The following CDH4 variants were observed in gnomAD, a reference collection of about 807,000 sequenced individuals.
CDH4 encodes the protein cadherin 4, also known as cadherin-4.
CDH4 carries 33 observed loss-of-function variants against 86.0 expected under a neutral mutation model. That is an observed-to-expected ratio of 0.38 (90% CI 0.29 to 0.51). The LOEUF is 0.51. Among genes scored for constraint, CDH4 ranks in the 20% least tolerant of loss-of-function variants. The pLI is 0.86. For synonymous variants in CDH4, 555 were observed against 549.4 expected, an observed-to-expected ratio of 1.01 and a Z score of -0.14; for missense variants, 1,114 against 1,307.4, an observed-to-expected ratio of 0.85 and a Z score of 2.28.
intron 2 of CDH4, among the ~76,000 whole-genome samples, chr20:61,461,456 G>A (rs13433215): frequency 6.6e-6 from 1 of 152,310 alleles, no homozygotes; most frequent in East Asian, 1.9e-4. Context: ...GAAATTAAAA[G>A]TGACTCGGCT....
At chr20:61,785,589 G>T (rs570881451) in intron 4 of CDH4, among the ~76,000 whole-genome samples, 4 of 151,228 alleles carry the variant, frequency 2.6e-5, no homozygotes, top group African/African-American at 9.8e-5. Flanking sequence ...ACCCAGGTGC[G>T]CAGAGCCCTC....
chr20:61,550,429 C>G (rs766444870), intron 2 of CDH4, among the ~76,000 whole-genome samples: 19 of 152,242 alleles, frequency 1.2e-4, no homozygotes, highest in African/African-American at 4.3e-4. Context: ...CTTTGCTTCC[C>G]CTCTCAGGCC....
chr20:61,534,665 C>CT (rs34309371), intron 2 of CDH4, among the ~76,000 whole-genome samples: 3,762 of 76,108 alleles, frequency 0.049, 124 homozygotes, highest in Non-Finnish European at 0.057. Context: ...TTCTTTCTTT[C>CT]TTTTTTTTTT....
intron 2 of CDH4, among the ~76,000 whole-genome samples, chr20:61,650,537 CT>C (rs1222056588): frequency 1.2e-4 from 18 of 152,188 alleles, no homozygotes. Flanking sequence ...GGAAGCTTTT[CT>C]ATTAAACATT....
Position 61,937,818 on chromosome 20 carries a change from C to G in CDH4, c.*875C>G, listed in dbSNP as rs11554971. ...AGAGTGAGTTGTCCAAACCAGCCAGCATCTGGCTCCAGCCCTCCAACCCTG... is the reference window on the plus strand; with the variant it reads ...AGAGTGAGTTGTCCAAACCAGCCAGGATCTGGCTCCAGCCCTCCAACCCTG... On this transcript the variant is annotated 3_prime_UTR_variant, in exon 16 of 16. Coordinates refer to ENST00000614565, the MANE Select transcript of CDH4 (RefSeq NM_001794.5). 78,969 of 151,968 alleles carry G rather than the reference C, an allele frequency of 0.52. 20,767 individuals carry two copies. Among genetic ancestry groups the G allele is most frequent in the African/African-American group, 0.58 (24,030 of 41,332 alleles). The allele number at this position is 151,968 out of a possible 1,614,324, so 9.4% of individuals were successfully genotyped here.
chr20:61,284,563 T>C (rs2084282869), intron 2 of CDH4, among the ~76,000 whole-genome samples: 1 of 152,232 alleles, frequency 6.6e-6, no homozygotes, highest in Non-Finnish European at 1.5e-5. Flanking sequence ...AGTTTGTCCC[T>C]AAGTGTTTAA....
intron 2 of CDH4, among the ~76,000 whole-genome samples, chr20:61,459,610 G>A (rs572368897): frequency 2.0e-5 from 3 of 151,052 alleles, no homozygotes; most frequent in Non-Finnish European, 4.4e-5. Flanking sequence ...GATGGAGAGC[G>A]GGAGGGACAT....
intron 2 of CDH4, among the ~76,000 whole-genome samples, chr20:61,530,552 G>C (rs1404361713): frequency 6.6e-6 from 1 of 152,150 alleles, no homozygotes; most frequent in African/African-American, 2.4e-5. Context: ...GGCTCCCCCA[G>C]AAAGCTCTAT....
intron 2 of CDH4, among the ~76,000 whole-genome samples, chr20:61,729,643 C>G (rs1269504561): frequency 6.6e-6 from 1 of 152,206 alleles, no homozygotes; most frequent in Admixed American, 6.5e-5. Context: ...TCAACAAAGA[C>G]GTGGAGACGA....
Position 61,406,228 on chromosome 20 carries a change from C to T in CDH4, c.169+151291C>T, listed in dbSNP as rs181840652. ...ACCCCAGACCACCATCTGCTCTACC[C>T]GGACCACCATCTGCTCTACCCGGAC... On this transcript the variant is annotated intron_variant, in intron 2 of 15. Coordinates refer to ENST00000614565, the MANE Select transcript of CDH4 (RefSeq NM_001794.5). Among the ~76,000 whole-genome samples the T allele has an allele frequency of 1.5e-4, 23 of 150,998 alleles. No homozygotes were observed. In the South Asian group the frequency reaches 2.1e-3, roughly 14 times the overall value.
chr20:61,750,823 A>G (rs1327118126), intron 3 of CDH4, among the ~76,000 whole-genome samples: 1 of 152,254 alleles, frequency 6.6e-6, no homozygotes, highest in East Asian at 1.9e-4. Context: ...TTGTACTTCT[A>G]TGTACCAGGG....
At chr20:61,398,629 C>T (rs866725585) in intron 2 of CDH4, among the ~76,000 whole-genome samples, 5 of 151,634 alleles carry the variant, frequency 3.3e-5, no homozygotes, top group South Asian at 2.1e-4. Context: ...TTGGACAAGG[C>T]GCACCCACAC....
At chr20:61,609,874 G>A (rs903351206) in intron 2 of CDH4, among the ~76,000 whole-genome samples, 2 of 152,040 alleles carry the variant, frequency 1.3e-5, no homozygotes, top group Non-Finnish European at 2.9e-5. Flanking sequence ...CCATTAATAT[G>A]TCAGTTGTAC....
intron 2 of CDH4, among the ~76,000 whole-genome samples, chr20:61,539,274 T>C (rs6061276): frequency 0.31 from 47,734 of 152,126 alleles, 11,948 homozygotes; most frequent in African/African-American, 0.69. Context: ...GCATGGGCCG[T>C]GTCCACAGTG....
chr20:61,407,288 T>C (rs1017857886), intron 2 of CDH4, among the ~76,000 whole-genome samples: 1 of 152,180 alleles, frequency 6.6e-6, no homozygotes, highest in African/African-American at 2.4e-5. Flanking sequence ...TCGACTGAAA[T>C]GTCAGGTCCT....
intron 2 of CDH4, among the ~76,000 whole-genome samples, chr20:61,391,126 GC>G: frequency 6.6e-6 from 1 of 152,212 alleles, no homozygotes; most frequent in East Asian, 1.9e-4. Flanking sequence ...TCTGCACGCA[GC>G]CTCAGGCCTC....
intron 2 of CDH4, among the ~76,000 whole-genome samples, chr20:61,419,731 C>A (rs988829940): frequency 2.0e-5 from 3 of 151,798 alleles, no homozygotes; most frequent in Non-Finnish European, 4.4e-5. Context: ...ACACCCCATT[C>A]CCTGTGTCTG....
At chr20:61,470,861 C>A (rs2085498103) in intron 2 of CDH4, among the ~76,000 whole-genome samples, 2 of 152,066 alleles carry the variant, frequency 1.3e-5, no homozygotes, top group Admixed American at 1.3e-4. Context: ...TATGTTGAAC[C>A]ATCTTCGCAT....
intron 4 of CDH4, 40 bp from the exon 5 acceptor site, chr20:61,844,628 C>G: frequency 6.3e-7 from 1 of 1,581,308 alleles, no homozygotes; most frequent in South Asian, 1.2e-5. Flanking sequence ...CCTCTCCTCA[C>G]CACAGGATAA....
Sources: allele counts gnomAD v4.1 joint callset (sites outside exome capture counted in the v4.1 genomes callset), GRCh38; gene constraint gnomAD v4.1.1; transcripts MANE v1.5; gene names NCBI Gene and HGNC (gene_info 2026-07-23, HGNC 2026-07-21).